SPATA17: variants seen among roughly 807,000 people sequenced by gnomAD.
SPATA17 encodes the protein spermatogenesis associated 17, also known as spermatogenesis-associated protein 17.
SPATA17 carries 53 observed loss-of-function variants against 62.2 expected under a neutral mutation model. That is an observed-to-expected ratio of 0.85 (90% CI 0.68 to 1.07). SPATA17 has a LOEUF of 1.07. SPATA17 is among the 50% of genes least tolerant of loss of function. The pLI, the probability that SPATA17 is intolerant of heterozygous loss-of-function variation, is 0.00. For missense variants in SPATA17, 466 were observed against 425.5 expected (o/e 1.10, Z -0.84); for synonymous variants, 146 against 146.8 (o/e 0.99, Z 0.04).
At chr1:217,802,830 C>T (rs1293112179) in intron 9 of SPATA17, among the ~76,000 whole-genome samples, 1 of 152,166 alleles carries the variant, frequency 6.6e-6, no homozygotes, top group Non-Finnish European at 1.5e-5. Context: ...ATCTCAAAAG[C>T]CACAAGAATC....
intron 9 of SPATA17, among the ~76,000 whole-genome samples, chr1:217,811,259 C>G (rs79224489): frequency 0.12 from 17,683 of 152,060 alleles, 1,120 homozygotes; most frequent in Non-Finnish European, 0.14. Context: ...GTCTCGAACT[C>G]CTGGCTCGAA....
intron 9 of SPATA17, among the ~76,000 whole-genome samples, chr1:217,822,243 A>G (rs928053876): frequency 1.5e-4 from 23 of 152,150 alleles, no homozygotes; most frequent in African/African-American, 5.3e-4. Context: ...AACACTGAAT[A>G]TTTTTTATTA....
At chr1:217,851,949 C>T (rs542309019) in intron 9 of SPATA17, among the ~76,000 whole-genome samples, 6 of 152,212 alleles carry the variant, frequency 3.9e-5, no homozygotes, top group African/African-American at 1.2e-4. Context: ...GAGTATTTGC[C>T]TTTTCAGGAG....
At chr1:217,861,387 T>TTATA (rs146592830) in intron 9 of SPATA17, among the ~76,000 whole-genome samples, 41,751 of 145,210 alleles carry the variant, frequency 0.29, 6,711 homozygotes, top group Admixed American at 0.39. Flanking sequence ...AAATAAAATA[T>TTATA]TATATATATA....
chr1:217,865,842 C>A (rs543834787), intron 10 of SPATA17, among the ~76,000 whole-genome samples: 1 of 152,276 alleles, frequency 6.6e-6, no homozygotes, highest in East Asian at 1.9e-4. Context: ...TTGGTCCAGG[C>A]TGTCTGTCTG....
intron 9 of SPATA17, among the ~76,000 whole-genome samples, chr1:217,853,644 A>G (rs1263834184): frequency 6.6e-6 from 1 of 152,164 alleles, no homozygotes. Context: ...TGAATAACGA[A>G]CCATTGTTCC....
At chr1:217,785,909 CTTG>C (rs1673848615) in intron 8 of SPATA17, among the ~76,000 whole-genome samples, 2 of 151,938 alleles carry the variant, frequency 1.3e-5, no homozygotes, top group Non-Finnish European at 2.9e-5. Context: ...TTTCTTTGTT[CTTG>C]TTTTTAAAGG....
At chr1:217,727,549 C>G (rs1672296664) in intron 5 of SPATA17, among the ~76,000 whole-genome samples, 1 of 151,978 alleles carries the variant, frequency 6.6e-6, no homozygotes, top group Non-Finnish European at 1.5e-5. Flanking sequence ...TTTTTTAGTA[C>G]ATAAATCTTC....
At position 217,633,325 on chromosome 1, in the gene SPATA17, T is replaced by C. The variant is rs111539870; in HGVS notation, c.68+1879T>C. ...TATGAGGGATTGCACCAGGAACAAC[T>C]ACATATGATATTTCACTTGGTTATC... On this transcript the variant is annotated intron_variant, in intron 1 of 10. Transcript: ENST00000366933. Among the ~76,000 whole-genome samples, 633 of 152,320 alleles carry C rather than the reference T, an allele frequency of 4.2e-3. 5 individuals are homozygous for C. Among genetic ancestry groups the C allele is most frequent in the African/African-American group, 0.015 (608 of 41,574 alleles).
At chr1:217,748,024 C>T (rs914021152) in intron 6 of SPATA17, among the ~76,000 whole-genome samples, 6 of 152,086 alleles carry the variant, frequency 3.9e-5, no homozygotes, top group African/African-American at 7.2e-5. Flanking sequence ...TTAAACTTGG[C>T]CGGGCGCGGT....
chr1:217,857,643 A>C (rs1003205702), intron 9 of SPATA17, among the ~76,000 whole-genome samples: 16 of 152,270 alleles, frequency 1.1e-4, no homozygotes, highest in African/African-American at 4.8e-5. Context: ...ATGTTTTATC[A>C]TATCAGAGGC....
At chr1:217,762,358 T>C (rs1343339763) in intron 6 of SPATA17, among the ~76,000 whole-genome samples, 3 of 152,190 alleles carry the variant, frequency 2.0e-5, no homozygotes, top group Non-Finnish European at 1.5e-5. Flanking sequence ...AAAACAGATA[T>C]TCATATTCCT....
At chr1:217,678,989 T>G (rs578112931) in intron 4 of SPATA17, among the ~76,000 whole-genome samples, 9 of 152,222 alleles carry the variant, frequency 5.9e-5, no homozygotes, top group African/African-American at 2.2e-4. Context: ...ATCTTGCTGC[T>G]TGAAAGAACA....
chr1:217,635,241 G>C lies in SPATA17; in HGVS notation c.68+3795G>C, dbSNP rs563500490. On this transcript the variant is annotated intron_variant, in intron 1 of 10. Coordinates refer to ENST00000366933, the MANE Select transcript of SPATA17 (RefSeq NM_138796.4). ...GAAAGTTTATTTTGCCAAGGTTAAG[G>C]ATGCACCCATGACACAGCCTTAGGA... Among the ~76,000 whole-genome samples the C allele has an allele frequency of 4.4e-4, 67 of 152,280 alleles. 1 individual carries two copies. In the Middle Eastern group the frequency reaches 0.014, roughly 31 times the overall value.
At chr1:217,664,850 T>G (rs750379130) in intron 3 of SPATA17, among the ~76,000 whole-genome samples, 5 of 152,120 alleles carry the variant, frequency 3.3e-5, no homozygotes, top group Non-Finnish European at 5.9e-5. Flanking sequence ...TTGGTAGCAC[T>G]CGTAGTAGGG....
intron 4 of SPATA17, among the ~76,000 whole-genome samples, chr1:217,673,520 A>G (rs1037785473): frequency 2.0e-5 from 3 of 152,066 alleles, no homozygotes; most frequent in Non-Finnish European, 4.4e-5. Context: ...TGTGGATCCT[A>G]TTTAAATTTG....
chr1:217,666,869 GAATA>G (rs568034545), intron 3 of SPATA17, among the ~76,000 whole-genome samples: 33 of 152,134 alleles, frequency 2.2e-4, no homozygotes, highest in Non-Finnish European at 4.3e-4. Context: ...AGACAATTGA[GAATA>G]AATGTGGTAT....
intron 6 of SPATA17, among the ~76,000 whole-genome samples, chr1:217,743,745 G>A (rs979001956): frequency 1.3e-5 from 2 of 151,990 alleles, no homozygotes; most frequent in Non-Finnish European, 2.9e-5. Context: ...GAGTAGCTGA[G>A]ATTACAGGCA....
chr1:217,719,446 C>A (rs892942775), intron 5 of SPATA17, among the ~76,000 whole-genome samples: 1 of 152,156 alleles, frequency 6.6e-6, no homozygotes, highest in Non-Finnish European at 1.5e-5. Context: ...TACACCCAAA[C>A]CTGATGGACA....
Sources: allele counts gnomAD v4.1 joint callset (sites outside exome capture counted in the v4.1 genomes callset), GRCh38; gene constraint gnomAD v4.1.1; transcripts MANE v1.5; gene names NCBI Gene and HGNC (gene_info 2026-07-23, HGNC 2026-07-21).